The following SSTR3 variants were observed in gnomAD, a reference collection of about 807,000 sequenced individuals.
The protein encoded by SSTR3 is somatostatin receptor 3.
For synonymous variants in SSTR3, 281 were observed against 269.2 expected (o/e 1.04, Z -0.43); for missense variants, 504 against 604.7 (o/e 0.83, Z 1.75).
chr22:37,217,319 T>A (rs919236918), upstream of SSTR3, among the ~76,000 whole-genome samples: 1 of 132,902 alleles, frequency 7.5e-6, no homozygotes, highest in Non-Finnish European at 1.8e-5. Context: ...CTTAAGCTAA[T>A]TTTTTTATTA....
chr22:37,208,445 G>A (rs1468640779), intron 1 of SSTR3, among the ~76,000 whole-genome samples: 1 of 152,150 alleles, frequency 6.6e-6, no homozygotes, highest in African/African-American at 2.4e-5. Context: ...CTCAGCCTGG[G>A]CCATCCCACT....
chr22:37,213,803 A>C (rs1214206022), upstream of SSTR3, among the ~76,000 whole-genome samples: 1 of 152,184 alleles, frequency 6.6e-6, no homozygotes, highest in Non-Finnish European at 1.5e-5. Context: ...CCCACCTGGC[A>C]CTGCATCCTT....
intron 1 of SSTR3, chr22:37,210,975 A>G: frequency 4.1e-6 from 4 of 985,460 alleles, no homozygotes; most frequent in Non-Finnish European, 4.8e-6. Context: ...ACATCATGAG[A>G]TCCTCAAGAA....
intron 1 of SSTR3, among the ~76,000 whole-genome samples, chr22:37,209,485 T>A (rs1926062621): frequency 6.6e-6 from 1 of 152,202 alleles, no homozygotes; most frequent in African/African-American, 2.4e-5. Flanking sequence ...CAACCCTTCA[T>A]CAGGTCTCCT....
At chr22:37,208,422 C>T (rs1264346723) in intron 1 of SSTR3, among the ~76,000 whole-genome samples, 2 of 151,724 alleles carry the variant, frequency 1.3e-5, no homozygotes, top group Non-Finnish European at 2.9e-5. Flanking sequence ...GAGTCAGAGT[C>T]CTTAGGTGCC....
rs9610669 is a variant in SSTR3 at position 37,211,941 on chromosome 22, A to T, written c.-153T>A. On this transcript the variant is annotated 5_prime_UTR_variant, in exon 1 of 2. In the 5' UTR this introduces an upstream ATG that the reference lacks. Coordinates refer to ENST00000610913, the MANE Select transcript of SSTR3 (RefSeq NM_001051.5). ...GGCACTCCTAACTAGGGTCCCCACA[A>T]GGCACCCACTTCTAGACCGCTTGCG... 15 of 985,344 alleles carry T rather than the reference A, an allele frequency of 1.5e-5. No homozygotes were observed. In the African/African-American group the frequency reaches 2.4e-4, roughly 16 times the overall value. The allele number at this position is 985,344 out of a possible 1,614,324, so 61.0% of individuals were successfully genotyped here.
rs1215035546 is a variant in SSTR3, at chr22:37,207,811, G to A, written c.-8C>T. ...TGGATGAAGCATGTCCATGGCTGAG[G>A]GGAGGGTGGTCAGCAGTCAGCTATT... On this transcript the variant is annotated 5_prime_UTR_variant, in exon 2 of 2. Coordinates refer to ENST00000610913, the MANE Select transcript of SSTR3 (RefSeq NM_001051.5). The A allele has an allele frequency of 1.4e-5, 21 of 1,498,416 alleles. No homozygotes were observed. Among genetic ancestry groups the A allele is most frequent in the Non-Finnish European group, 1.8e-5 (20 of 1,124,542 alleles). The allele number at this position is 1,498,416 out of a possible 1,614,324, so 92.8% of individuals were successfully genotyped here.
the SSTR3 span, among the ~76,000 whole-genome samples, chr22:37,218,683 G>T: frequency 6.6e-6 from 1 of 152,038 alleles, no homozygotes; most frequent in East Asian, 1.9e-4. Flanking sequence ...AAAGCATTGT[G>T]GTGCCTCACC....
chr22:37,213,218 A>G, upstream of SSTR3, among the ~76,000 whole-genome samples: 1 of 152,174 alleles, frequency 6.6e-6, no homozygotes, highest in Non-Finnish European at 1.5e-5. Context: ...CGTGGGCCAT[A>G]TTTACTGATC....
chr22:37,207,011 G>A lies in SSTR3; in HGVS notation c.793C>T (p.Leu265Phe), dbSNP rs1454866571. The change falls in exon 2 of 2, where the codon CTC (leucine) becomes TTC (phenylalanine). Residue 265 changes from leucine to phenylalanine, a missense_variant. Leu to Phe is a conservative substitution (Grantham distance 22). Coordinates refer to ENST00000610913, the MANE Select transcript of SSTR3 (RefSeq NM_001051.5). ...VTRMVVAVVA[L>F]FVLCWMPFYV... ...AAGGGCATCCAGCAGAGCACGAAGA[G>A]CGCCACCACGGCCACCACCATGCGC... The A allele has an allele frequency of 6.2e-7, 1 of 1,612,916 alleles. No individual in the cohort carries two copies.
chr22:37,208,509 G>A (rs1222755651), intron 1 of SSTR3, among the ~76,000 whole-genome samples: 2 of 152,212 alleles, frequency 1.3e-5, no homozygotes, highest in African/African-American at 4.8e-5. Context: ...CTGGGGGGCA[G>A]GTGGCTGAGG....
At chr22:37,216,072 CA>C (rs1484294025), upstream of SSTR3, among the ~76,000 whole-genome samples, 3 of 152,110 alleles carry the variant, frequency 2.0e-5, no homozygotes, top group Non-Finnish European at 2.9e-5. Context: ...CTTTTTCTTT[CA>C]AAATCTATTA....
Position 37,206,772 on chromosome 22 carries a change from G to C in SSTR3, c.1032C>G (p.Pro344=). 1 of 1,610,696 alleles carries C rather than the reference G, an allele frequency of 6.2e-7. No individual in the cohort carries two copies. Among genetic ancestry groups the C allele is most frequent in the Non-Finnish European group, 8.5e-7 (1 of 1,179,728 alleles). ...RVRSQEPTVG[P]PEKTEEEDEE... ...CATCCTCCTCCTCAGTCTTCTCCGG[G>C]GGCCCCACAGTGGGCTCCTGGCTGC... The change falls in exon 2 of 2, where the codon CCC becomes CCG. Residue 344 remains proline, a synonymous_variant. Coordinates refer to ENST00000610913, the MANE Select transcript of SSTR3 (RefSeq NM_001051.5).
rs1047518971 is a variant in SSTR3 at position 37,211,997 on chromosome 22, C to T, written c.-209G>A. ...AGGTTCCCTCCCAGGCCCTCGGCCA[C>T]GGCTGTCCACAGAGCCTCTCCCATC... On this transcript the variant is annotated 5_prime_UTR_variant, in exon 1 of 2. The change creates a new upstream start codon in the 5' untranslated region. Transcript: ENST00000610913. 6 of 985,814 alleles carry T rather than the reference C, an allele frequency of 6.1e-6. No individual in the cohort carries two copies. The highest frequency in any genetic ancestry group is 5.2e-4 in the Middle Eastern group (1 of 1,918). 61.1% of individuals were successfully genotyped at this position (985,814 alleles called of 1,614,324 possible).
chr22:37,218,769 G>T, the SSTR3 span, among the ~76,000 whole-genome samples: 1 of 152,034 alleles, frequency 6.6e-6, no homozygotes, highest in South Asian at 2.1e-4. Flanking sequence ...GTTAGGGAGG[G>T]GTGGGTGCCT....
chr22:37,206,575 G>A lies in SSTR3; in HGVS notation c.1229C>T (p.Ser410Phe), dbSNP rs1461472651. The A allele has an allele frequency of 6.2e-7, 1 of 1,611,704 alleles. No individual in the cohort carries two copies. Among genetic ancestry groups the A allele is most frequent in the Non-Finnish European group, 8.5e-7 (1 of 1,179,680 alleles). Reference sequence around the variant, plus strand: ...CAGGTAGCTGATGCGCATCGTGCTGGACTTCTCCCCAGTGGAAGCCTCTTG... The same window carrying A: ...CAGGTAGCTGATGCGCATCGTGCTGAACTTCTCCCCAGTGGAAGCCTCTTG... ...LPQEASTGEKSSTMRISYL is the reference protein window; with the variant it reads ...LPQEASTGEKFSTMRISYL Residue 410 changes from serine (S) to phenylalanine (F), a missense_variant, in exon 2 of 2, where the codon TCC becomes TTC. By Grantham distance (155) the Ser-to-Phe change is radical (BLOSUM62 -2). Coordinates refer to ENST00000610913, the MANE Select transcript of SSTR3 (RefSeq NM_001051.5).
upstream of SSTR3, among the ~76,000 whole-genome samples, chr22:37,217,105 C>T (rs530345287): frequency 2.1e-3 from 317 of 152,152 alleles, 1 homozygote; most frequent in African/African-American, 7.2e-3. Flanking sequence ...CTGGCCTCCT[C>T]TCTCATTTTG....
Position 37,211,870 on chromosome 22 carries a change from T to C in SSTR3, c.-82A>G. ...TCCCTCCTTGCCGCCAGGCTGGTTA[T>C]CATTCTGCTGTCCCCTCTCCCTGCC... On this transcript the variant is annotated 5_prime_UTR_variant, in exon 1 of 2. Coordinates refer to ENST00000610913, the MANE Select transcript of SSTR3 (RefSeq NM_001051.5). 1.0e-6 allele frequency: 1 copy of C among 985,842 alleles called. No individual in the cohort carries two copies. The highest frequency in any genetic ancestry group is 1.7e-5 in the African/African-American group (1 of 57,346). 61.1% of individuals were successfully genotyped at this position (985,842 alleles called of 1,614,324 possible).
At chr22:37,211,465 G>C (rs1046116840) in intron 1 of SSTR3, among the ~76,000 whole-genome samples, 1 of 152,194 alleles carries the variant, frequency 6.6e-6, no homozygotes, top group East Asian at 1.9e-4. Flanking sequence ...CCACCTCCCA[G>C]GGTTGTTTGC....
Sources: allele counts gnomAD v4.1 joint callset (sites outside exome capture counted in the v4.1 genomes callset), GRCh38; gene constraint gnomAD v4.1.1; transcripts MANE v1.5; gene names NCBI Gene and HGNC (gene_info 2026-07-23, HGNC 2026-07-21).